NPTN: variants seen among roughly 807,000 people sequenced by gnomAD.
The protein encoded by NPTN is SDR-1.
In NPTN, 5 loss-of-function variants were observed where a neutral mutation model predicts 42.7. That is an observed-to-expected ratio of 0.12 (90% CI 0.06 to 0.25). NPTN has a LOEUF of 0.25. NPTN is among the 10% of genes least tolerant of loss of function. The pLI is 1.00. For missense variants in NPTN, 307 were observed against 525.4 expected (o/e 0.58, Z 4.06); for synonymous variants, 180 against 201.9 (o/e 0.89, Z 0.92).
Position 73,592,213 on chromosome 15 carries a change from G to A in NPTN, c.440-76C>T, listed in dbSNP as rs767558244. 276 of 1,281,944 alleles carry A rather than the reference G, an allele frequency of 2.2e-4. 1 individual carries two copies. The highest frequency in any genetic ancestry group is 2.6e-4 in the Non-Finnish European group (239 of 933,476). 79.4% of individuals were successfully genotyped at this position (1,281,944 alleles called of 1,614,324 possible). ...AGCCCTGGCCTGAGAGTTGGACGGG[G>A]TAGGAGGGGGAAACTAGAAAAAGAG... On this transcript the variant is annotated intron_variant, in intron 2 of 8. Coordinates refer to ENST00000345330, the MANE Select transcript of NPTN (RefSeq NM_012428.4).
chr15:73,584,652 C>T (rs1008551649), intron 4 of NPTN, among the ~76,000 whole-genome samples: 2 of 151,866 alleles, frequency 1.3e-5, no homozygotes, highest in East Asian at 1.9e-4. Flanking sequence ...CTCTCCTGAC[C>T]GGCCCTGCTC....
chr15:73,589,857 A>C (rs1249857880), intron 3 of NPTN, among the ~76,000 whole-genome samples: 1 of 151,928 alleles, frequency 6.6e-6, no homozygotes, highest in African/African-American at 2.4e-5. Flanking sequence ...TTCTTAAATC[A>C]TTATGCTCCC....
intron 1 of NPTN, among the ~76,000 whole-genome samples, chr15:73,628,946 G>A (rs553565882): frequency 1.3e-5 from 2 of 152,208 alleles, no homozygotes; most frequent in South Asian, 2.1e-4. Flanking sequence ...TTAATCAAGC[G>A]AAGTCAGACC....
chr15:73,579,549 T>A (rs898282410), intron 4 of NPTN, among the ~76,000 whole-genome samples: 5 of 151,868 alleles, frequency 3.3e-5, no homozygotes, highest in African/African-American at 1.2e-4. Context: ...ATGCTAAAAG[T>A]TGAGTCGGCA....
At chr15:73,567,421 A>G (rs1895093622) in intron 6 of NPTN, 1 of 985,298 alleles carries the variant, frequency 1.0e-6, no homozygotes, top group Non-Finnish European at 1.2e-6. Context: ...AACACTCCCA[A>G]GTTTGTGTCA....
chr15:73,597,111 C>G lies in NPTN; in HGVS notation c.350G>C (p.Arg117Thr). The change falls in exon 2 of 9, where the codon AGG (arginine) becomes ACG (threonine). Residue 117 changes from arginine (R) to threonine (T), a missense_variant. Coordinates refer to ENST00000345330, the MANE Select transcript of NPTN (RefSeq NM_012428.4). This position sits in a 1 kb window ranked among gnomAD's most constrained non-coding sequence, Gnocchi z 6.3. ...ATTCCTCTTGGGGTCGTTGCTGGCCCTGCACTCGTAAGTCCCAGAGTCCTC... is the reference window on the plus strand; with the variant it reads ...ATTCCTCTTGGGGTCGTTGCTGGCCGTGCACTCGTAAGTCCCAGAGTCCTC... ...TLEDSGTYECRASNDPKRNDL... is the reference protein window; with the variant it reads ...TLEDSGTYECTASNDPKRNDL... 1 of 1,614,160 alleles carries G rather than the reference C, an allele frequency of 6.2e-7. No individual in the cohort carries two copies. The highest frequency in any genetic ancestry group is 8.5e-7 in the Non-Finnish European group (1 of 1,180,022).
At chr15:73,565,327 T>A (rs1418163069) in intron 6 of NPTN, among the ~76,000 whole-genome samples, 3 of 152,102 alleles carry the variant, frequency 2.0e-5, no homozygotes, top group Non-Finnish European at 2.9e-5. Context: ...ACTTGACCCC[T>A]AACAGGGAAG....
At chr15:73,622,442 T>C (rs1329901676) in intron 1 of NPTN, among the ~76,000 whole-genome samples, 1 of 151,084 alleles carries the variant, frequency 6.6e-6, no homozygotes, top group African/African-American at 2.4e-5. Flanking sequence ...ATATACCCTT[T>C]AGGCAATAAT....
At chr15:73,581,163 T>C (rs375969067) in intron 4 of NPTN, among the ~76,000 whole-genome samples, 2 of 152,344 alleles carry the variant, frequency 1.3e-5, no homozygotes, top group Non-Finnish European at 2.9e-5. Context: ...TTTGTAGCTC[T>C]AAAAATAAGG....
chr15:73,588,094 G>A (rs1446358518), intron 3 of NPTN, among the ~76,000 whole-genome samples: 3 of 152,112 alleles, frequency 2.0e-5, no homozygotes, highest in Non-Finnish European at 1.5e-5. Context: ...ACAAAAATTA[G>A]CCGGGTGTGG....
At position 73,579,354 on chromosome 15, in the gene NPTN, CTA is replaced by C. The variant is rs537891823; in HGVS notation, c.707-5561_707-5560del. Among the ~76,000 whole-genome samples the C allele has an allele frequency of 9.3e-4, 141 of 151,864 alleles. 1 individual carries two copies. The highest frequency in any genetic ancestry group is 3.2e-3 in the African/African-American group (132 of 41,430). On this transcript the variant is annotated intron_variant, in intron 4 of 8. Transcript: ENST00000345330. The stretch of plus-strand genomic sequence containing the variant: ...CAAGTCTGGAGTTCAGGGAAATGTT[CTA>C]TGTTAGGGATATAAATTTCAGGTAT...
chr15:73,598,730 A>G (rs1185491197), intron 1 of NPTN, among the ~76,000 whole-genome samples: 1 of 152,208 alleles, frequency 6.6e-6, no homozygotes, highest in East Asian at 1.9e-4. Context: ...GAGTGAGGTC[A>G]GGATCTGCCA....
intron 6 of NPTN, chr15:73,568,249 C>T: frequency 1.0e-6 from 1 of 985,470 alleles, no homozygotes; most frequent in South Asian, 4.7e-5. Context: ...AAGACTAGAC[C>T]TCTGCTGGGA....
intron 7 of NPTN, 121 bp downstream of exon 7, chr15:73,563,115 T>C: frequency 2.7e-6 from 2 of 737,752 alleles, no homozygotes; most frequent in South Asian, 1.7e-5. Flanking sequence ...AAATCTACAC[T>C]GCAACCTTCA....
intron 6 of NPTN, chr15:73,563,677 G>A (rs1384427784): frequency 1.2e-5 from 5 of 429,962 alleles, no homozygotes; most frequent in African/African-American, 1.1e-4. Flanking sequence ...GCTCAATCCT[G>A]CAATGTGAAT....
chr15:73,631,237 C>T (rs1471092989), intron 1 of NPTN, among the ~76,000 whole-genome samples: 1 of 152,118 alleles, frequency 6.6e-6, no homozygotes, highest in Admixed American at 6.5e-5. Flanking sequence ...ATGCTATTAC[C>T]ATAAACTGAA....
In NPTN at chr15:73,616,109, T is replaced by A. The variant is rs1016314827; in HGVS notation, c.91+17016A>T. Among the ~76,000 whole-genome samples, 4 of 152,208 alleles carry A rather than the reference T, an allele frequency of 2.6e-5. No homozygotes were observed. The East Asian group carries it at 7.7e-4, about 29-fold the overall frequency. On this transcript the variant is annotated intron_variant, in intron 1 of 8. Coordinates refer to ENST00000345330, the MANE Select transcript of NPTN (RefSeq NM_012428.4). ...TTAAATGGGTCATCTTTTCTGTTGG[T>A]CTTATTTCAACAATGGACATATATA...
intron 1 of NPTN, among the ~76,000 whole-genome samples, chr15:73,601,745 G>A (rs985116852): frequency 6.6e-6 from 1 of 152,204 alleles, no homozygotes; most frequent in Non-Finnish European, 1.5e-5. Context: ...AGATCTGCAA[G>A]AGTTTTGGGA....
intron 6 of NPTN, chr15:73,568,619 G>C: frequency 1.0e-5 from 10 of 985,464 alleles, no homozygotes; most frequent in Non-Finnish European, 1.2e-5. Context: ...AGGAGTACAT[G>C]AAATCCCAAA....
Sources: allele counts gnomAD v4.1 joint callset (sites outside exome capture counted in the v4.1 genomes callset), GRCh38; gene constraint gnomAD v4.1.1; non-coding constraint Gnocchi (gnomAD v3.1); transcripts MANE v1.5; gene names NCBI Gene and HGNC (gene_info 2026-07-23, HGNC 2026-07-21).